The following TRHDE variants were observed in gnomAD, a reference collection of about 807,000 sequenced individuals.
The protein encoded by TRHDE is thyrotropin-releasing hormone-degrading ectoenzyme.
In TRHDE, 72 loss-of-function variants were observed where a neutral mutation model predicts 125.7. The ratio of observed to expected loss-of-function variants is 0.57; its 90% confidence interval spans 0.47 to 0.70. TRHDE has a LOEUF of 0.70. TRHDE is among the 30% of genes least tolerant of loss of function. The probability of loss-of-function intolerance (pLI) is 0.00; values close to 1 mark genes in which losing one functional copy is unlikely to be tolerated. For synonymous variants in TRHDE, 509 were observed against 509.1 expected, an observed-to-expected ratio of 1.00 and a Z score of 0.00; for missense variants, 1,110 against 1,327.1, an observed-to-expected ratio of 0.84 and a Z score of 2.54.
intron 12 of TRHDE, among the ~76,000 whole-genome samples, chr12:72,588,608 G>C (rs1871540361): frequency 6.6e-6 from 1 of 152,142 alleles, no homozygotes; most frequent in South Asian, 2.1e-4. Flanking sequence ...GTTTTTAAAG[G>C]ATCACTGACT....
At chr12:72,643,896 GT>G (rs1203543723) in intron 15 of TRHDE, among the ~76,000 whole-genome samples, 1 of 152,056 alleles carries the variant, frequency 6.6e-6, no homozygotes, top group African/African-American at 2.4e-5. Flanking sequence ...AAAGTTACAG[GT>G]AACATTTGTG....
chr12:72,311,261 G>A (rs1435474286), intron 2 of TRHDE, among the ~76,000 whole-genome samples: 1 of 151,654 alleles, frequency 6.6e-6, no homozygotes, highest in African/African-American at 2.4e-5. Context: ...GTATCAATTA[G>A]CTATTTTTAA....
At chr12:72,252,837 A>G (rs1221752181) in intron 2 of TRHDE, among the ~76,000 whole-genome samples, 2 of 152,094 alleles carry the variant, frequency 1.3e-5, no homozygotes, top group Non-Finnish European at 2.9e-5. Flanking sequence ...TCAGCATCAG[A>G]TAGTATACAT....
chr12:72,495,058 C>A (rs985531287), intron 5 of TRHDE, among the ~76,000 whole-genome samples: 5 of 109,130 alleles, frequency 4.6e-5, no homozygotes, highest in Non-Finnish European at 9.0e-5. Context: ...AGTTCCTCCC[C>A]CGTTTTTTTT....
chr12:72,499,423 A>C, intron 5 of TRHDE, 75 bp from the exon 6 acceptor site: 2 of 1,525,160 alleles, frequency 1.3e-6, no homozygotes. Context: ...AGTGACACAC[A>C]TTATGTTCAT....
chr12:72,410,568 T>TA (rs1419215987), intron 3 of TRHDE, among the ~76,000 whole-genome samples: 1 of 152,050 alleles, frequency 6.6e-6, no homozygotes, highest in Non-Finnish European at 1.5e-5. Flanking sequence ...AGTTGGACAT[T>TA]AAAAAATCAA....
chr12:72,378,505 T>G (rs1452504246), intron 3 of TRHDE, among the ~76,000 whole-genome samples: 1 of 152,188 alleles, frequency 6.6e-6, no homozygotes, highest in Non-Finnish European at 1.5e-5. Flanking sequence ...GAGTTTTCCA[T>G]TCATCTGGAC....
At chr12:72,645,807 A>G (rs572339885) in intron 15 of TRHDE, among the ~76,000 whole-genome samples, 1 of 152,274 alleles carries the variant, frequency 6.6e-6, no homozygotes, top group Non-Finnish European at 1.5e-5. Context: ...AGGAAGTGGG[A>G]TGATATATTC....
chr12:72,576,334 G>C (rs1452457338), intron 12 of TRHDE, among the ~76,000 whole-genome samples: 1 of 152,038 alleles, frequency 6.6e-6, no homozygotes, highest in Admixed American at 6.6e-5. Context: ...AGGGGAAACT[G>C]GTTAGTTAGT....
chr12:72,355,197 C>G (rs1020849306), intron 2 of TRHDE, among the ~76,000 whole-genome samples: 1 of 151,454 alleles, frequency 6.6e-6, no homozygotes, highest in Non-Finnish European at 1.5e-5. Context: ...AAGCCTTGAC[C>G]TATATTTGGG....
At chr12:72,488,999 C>G (rs1257730238) in intron 5 of TRHDE, among the ~76,000 whole-genome samples, 3 of 151,602 alleles carry the variant, frequency 2.0e-5, no homozygotes, top group Non-Finnish European at 4.4e-5. Context: ...GCAGCAAAAG[C>G]AGTTCTAAGG....
intron 2 of TRHDE, among the ~76,000 whole-genome samples, chr12:72,375,336 A>G (rs1871827544): frequency 6.6e-6 from 1 of 152,318 alleles, no homozygotes; most frequent in African/African-American, 2.4e-5. Context: ...AAATAATAGA[A>G]GTTTGAATGA....
intron 2 of TRHDE, chr12:72,262,912 T>G (rs1461526743): frequency 6.6e-6 from 1 of 152,078 alleles, no homozygotes; most frequent in Non-Finnish European, 1.5e-5. Flanking sequence ...AAAATGAAAT[T>G]CTCAGAAATG....
chr12:72,540,689 A>G (rs1351234932), intron 6 of TRHDE, among the ~76,000 whole-genome samples: 1 of 151,612 alleles, frequency 6.6e-6, no homozygotes, highest in Non-Finnish European at 1.5e-5. Context: ...AAGGCAATTC[A>G]AGGAACAGAG....
rs77697436 is a variant in TRHDE at position 72,555,236 on chromosome 12, G to A, written c.1789-6929G>A. The stretch of plus-strand genomic sequence containing the variant: ...ATATCTAAGCAAGCCACTTCTAAAG[G>A]TAAATTTAGGGTAAACACATTTACA... On this transcript the variant is annotated intron_variant, in intron 7 of 18. Transcript: ENST00000261180. Among the ~76,000 whole-genome samples, 346 of 152,204 alleles carry A rather than the reference G, an allele frequency of 2.3e-3. 2 individuals carry two copies. Among genetic ancestry groups the A allele is most frequent in the African/African-American group, 7.8e-3 (324 of 41,536 alleles).
chr12:72,231,000 A>T (rs550420493), intron 2 of TRHDE, among the ~76,000 whole-genome samples: 1 of 152,314 alleles, frequency 6.6e-6, no homozygotes, highest in Admixed American at 6.5e-5. Context: ...AAAAGAAGTA[A>T]CAAAAATGAT....
intron 2 of TRHDE, among the ~76,000 whole-genome samples, chr12:72,197,684 C>T (rs558182118): frequency 6.6e-6 from 1 of 152,166 alleles, no homozygotes; most frequent in African/African-American, 2.4e-5. Flanking sequence ...TCCTAGAAGA[C>T]ACCAAACTTT....
intron 15 of TRHDE, among the ~76,000 whole-genome samples, chr12:72,651,441 G>T (rs546413152): frequency 9.2e-4 from 140 of 152,102 alleles, no homozygotes; most frequent in Non-Finnish European, 1.7e-3. Flanking sequence ...AGAGAAAGCA[G>T]TATATTACTG....
chr12:72,574,641 C>T (rs1014318543), intron 10 of TRHDE, among the ~76,000 whole-genome samples: 10 of 151,924 alleles, frequency 6.6e-5, no homozygotes, highest in Non-Finnish European at 1.3e-4. Context: ...ATCAAATTAC[C>T]ATTTTCCAAA....
Sources: gnomAD v4.1 joint callset for allele counts (sites outside exome capture counted in the v4.1 genomes callset) on GRCh38, gnomAD v4.1.1 for gene constraint, MANE v1.5 for transcripts, NCBI Gene and HGNC (gene_info 2026-07-23, HGNC 2026-07-21) for gene names.